Variants in MAP4 observed in about 807,000 individuals in gnomAD.
MAP4 encodes microtubule-associated protein 4.
MAP4 carries 76 observed loss-of-function variants against 170.2 expected under a neutral mutation model. The observed-to-expected ratio is 0.45, with a 90% CI of 0.37 to 0.54. The LOEUF is 0.54. Among genes scored for constraint, MAP4 ranks in the 20% least tolerant of loss-of-function variants. The probability of loss-of-function intolerance (pLI) is 0.00; values close to 1 mark genes in which losing one functional copy is unlikely to be tolerated. For synonymous variants in MAP4, 909 were observed against 994.5 expected, an observed-to-expected ratio of 0.91 and a Z score of 1.62; for missense variants, 2,506 against 2,748.0, an observed-to-expected ratio of 0.91 and a Z score of 1.97.
At chr3:48,017,484 CTTTT>C (rs555856378), upstream of MAP4, among the ~76,000 whole-genome samples, 2 of 138,544 alleles carry the variant, frequency 1.4e-5, no homozygotes, top group South Asian at 2.3e-4. Context: ...TTTCTTTTTT[CTTTT>C]TTTTTTTTTT....
At chr3:47,945,478 T>C (rs1319769122) in intron 3 of MAP4, among the ~76,000 whole-genome samples, 1 of 152,056 alleles carries the variant, frequency 6.6e-6, no homozygotes, top group Non-Finnish European at 1.5e-5. Context: ...TTCTCTTCAC[T>C]ATTCCCAGCA....
chr3:47,973,485 CAGAT>C, intron 3 of MAP4: 2 of 985,080 alleles, frequency 2.0e-6, no homozygotes, highest in Non-Finnish European at 2.4e-6. Context: ...CCAAGTGAAA[CAGAT>C]AGAGCTAACA....
chr3:48,072,183 A>G (rs2154565214), intron 1 of MAP4, among the ~76,000 whole-genome samples: 1 of 151,826 alleles, frequency 6.6e-6, no homozygotes, highest in East Asian at 1.9e-4. Flanking sequence ...TGGGATGGAA[A>G]CTCCATCTCA....
chr3:47,894,838 C>T (rs1004278258), intron 10 of MAP4, among the ~76,000 whole-genome samples: 5 of 151,750 alleles, frequency 3.3e-5, no homozygotes, highest in African/African-American at 9.7e-5. Flanking sequence ...CCAGCCTGGG[C>T]AACATGGCAA....
At chr3:47,966,199 G>C (rs868289793) in intron 3 of MAP4, among the ~76,000 whole-genome samples, 1 of 138,988 alleles carries the variant, frequency 7.2e-6, no homozygotes, top group Admixed American at 7.4e-5. Flanking sequence ...TCAGTTTCCT[G>C]AGTAGCTGGG....
At chr3:47,862,470 A>T (rs1160047261) in intron 17 of MAP4, among the ~76,000 whole-genome samples, 3 of 148,924 alleles carry the variant, frequency 2.0e-5, no homozygotes, top group Non-Finnish European at 4.5e-5. Flanking sequence ...AAATATATGG[A>T]TCAATTTTTT....
chr3:47,939,733 C>A (rs1402265231), intron 3 of MAP4, among the ~76,000 whole-genome samples: 1 of 150,458 alleles, frequency 6.6e-6, no homozygotes, highest in African/African-American at 2.4e-5. Flanking sequence ...TTTAAACAAC[C>A]ACCTCTTGAT....
chr3:47,909,485 A>T lies in MAP4; in HGVS notation c.4936T>A (p.Ser1646Thr), dbSNP rs773172417. The part of the protein sequence containing the change: ...CEDQNAQDRN[S>T]KGSDSLNKKV... ...TTATTCAAACTATCTGAACCTTTGG[A>T]ATTTCTATCTTGAGCATTTTGGTCC... Residue 1646 changes from serine (S) to threonine (T), a missense_variant, in exon 9 of 21, where the codon TCC (serine) becomes ACC (threonine). Around this residue, in one of 3 missense-constraint regions of MAP4, gnomAD observed 2,008 missense variants for 2,206.0 expected, o/e 0.91. Transcript: ENST00000683076. The T allele has an allele frequency of 1.9e-6, 3 of 1,613,682 alleles. No individual in the cohort carries two copies. The African/African-American group carries it at 4.0e-5, about 22-fold the overall frequency.
At chr3:48,058,993 G>A (rs1198040950) in intron 1 of MAP4, among the ~76,000 whole-genome samples, 1 of 152,006 alleles carries the variant, frequency 6.6e-6, no homozygotes, top group Non-Finnish European at 1.5e-5. Context: ...GGGCCAGGCT[G>A]CTCTTGAACT....
chr3:47,998,548 G>T, intron 2 of MAP4, 90 bp downstream of exon 2: 1 of 1,027,506 alleles, frequency 9.7e-7, no homozygotes, highest in Non-Finnish European at 1.5e-6. Flanking sequence ...AAAAAACTCA[G>T]CTCAATTCTC....
chr3:48,072,042 C>T (rs2100141278), intron 1 of MAP4, among the ~76,000 whole-genome samples: 1 of 151,512 alleles, frequency 6.6e-6, no homozygotes, highest in African/African-American at 2.4e-5. Flanking sequence ...CTACTAAAAA[C>T]ATAAACATTA....
At chr3:48,057,610 A>AAAAT (rs138347920) in intron 1 of MAP4, among the ~76,000 whole-genome samples, 70,593 of 126,256 alleles carry the variant, frequency 0.56, 20,717 homozygotes, top group East Asian at 0.68. Context: ...TATCAATAAA[A>AAAAT]AAATAAATAA....
At chr3:47,880,021 TGA>T (rs150678076) in intron 10 of MAP4, among the ~76,000 whole-genome samples, 1,593 of 152,336 alleles carry the variant, frequency 0.01, 27 homozygotes, top group African/African-American at 0.036. Context: ...CCTACTTTGC[TGA>T]GAGTTTTAAC....
intron 3 of MAP4, among the ~76,000 whole-genome samples, chr3:47,959,667 G>T (rs917342326): frequency 2.0e-5 from 3 of 150,778 alleles, no homozygotes; most frequent in Admixed American, 6.6e-5. Flanking sequence ...GCTGAGGCAG[G>T]AGCATGGCGT....
At chr3:47,946,809 T>C (rs2100060328) in intron 3 of MAP4, among the ~76,000 whole-genome samples, 2 of 152,152 alleles carry the variant, frequency 1.3e-5, no homozygotes, top group Non-Finnish European at 2.9e-5. Flanking sequence ...CCTATTTCTA[T>C]TTTCACATTC....
At chr3:47,856,300 G>C (rs1340275592) in intron 18 of MAP4, among the ~76,000 whole-genome samples, 2 of 152,156 alleles carry the variant, frequency 1.3e-5, no homozygotes, top group African/African-American at 4.8e-5. Flanking sequence ...TAGACCCTAA[G>C]TGACTCAGTG....
At chr3:48,088,606 C>T (rs1352976071) in intron 1 of MAP4, among the ~76,000 whole-genome samples, 1 of 152,114 alleles carries the variant, frequency 6.6e-6, no homozygotes, top group Admixed American at 6.5e-5. Context: ...CCCCGCCTGG[C>T]CCCCTCCCTC....
At chr3:48,027,205 G>A (rs1294583136) in intron 1 of MAP4, among the ~76,000 whole-genome samples, 1 of 152,126 alleles carries the variant, frequency 6.6e-6, no homozygotes, top group African/African-American at 2.4e-5. Context: ...ATACATGTAT[G>A]AACATGTAAA....
chr3:47,949,763 G>C (rs1276002397), intron 3 of MAP4, among the ~76,000 whole-genome samples: 1 of 152,134 alleles, frequency 6.6e-6, no homozygotes, highest in Non-Finnish European at 1.5e-5. Context: ...GCAAGCACTG[G>C]AGGAATACTA....
Sources: gnomAD v4.1 joint callset for allele counts (sites outside exome capture counted in the v4.1 genomes callset) on GRCh38, gnomAD v4.1.1 for gene constraint, gnomAD v4.1.1 regional missense constraint, MANE v1.5 for transcripts, NCBI Gene and HGNC (gene_info 2026-07-23, HGNC 2026-07-21) for gene names.